MBP: variants seen among roughly 807,000 people sequenced by gnomAD.
MBP encodes myelin basic protein.
Under a neutral mutation model 35.8 loss-of-function variants are expected in MBP, and 16 were observed. The ratio of observed to expected loss-of-function variants is 0.45; its 90% CI spans 0.30 to 0.68. The LOEUF is 0.68. Among genes scored for constraint, MBP ranks in the 30% least tolerant of loss-of-function variants. MBP has a pLI of 0.08. For missense variants in MBP, 380 were observed against 404.7 expected (o/e 0.94, Z 0.52); for synonymous variants, 143 against 159.6 (o/e 0.90, Z 0.78).
intron 3 of MBP, among the ~76,000 whole-genome samples, chr18:77,052,067 G>A (rs1568313942): frequency 6.6e-6 from 1 of 152,276 alleles, no homozygotes; most frequent in East Asian, 1.9e-4. Flanking sequence ...TGGAGAAGGC[G>A]TGTGAGTGCA....
chr18:77,080,777 G>C (rs887209428), intron 2 of MBP, among the ~76,000 whole-genome samples: 1 of 152,088 alleles, frequency 6.6e-6, no homozygotes, highest in Non-Finnish European at 1.5e-5. Context: ...TCTGCCTCCT[G>C]GGTTCGAGCA....
chr18:77,060,846 G>A (rs781536874), intron 3 of MBP, among the ~76,000 whole-genome samples: 2 of 152,168 alleles, frequency 1.3e-5, no homozygotes, highest in African/African-American at 2.4e-5. Context: ...AGATGAAGTC[G>A]CACCCCCAGT....
At chr18:77,130,545 CA>C (rs1977207071) in intron 1 of MBP, among the ~76,000 whole-genome samples, 1 of 152,034 alleles carries the variant, frequency 6.6e-6, no homozygotes, top group South Asian at 2.1e-4. Flanking sequence ...ACAGAAAAGG[CA>C]CAGAGGCAGC....
intron 4 of MBP, among the ~76,000 whole-genome samples, chr18:77,011,481 T>G (rs564787574): frequency 1.3e-5 from 2 of 152,272 alleles, no homozygotes; most frequent in Non-Finnish European, 2.9e-5. Flanking sequence ...TGGGCTGGCG[T>G]GAAGCCCCTC....
intron 3 of MBP, among the ~76,000 whole-genome samples, chr18:77,058,433 C>T (rs1973829731): frequency 6.6e-6 from 1 of 152,180 alleles, no homozygotes; most frequent in Admixed American, 6.5e-5. Context: ...AGCTCGCCAG[C>T]CACGGGAGGG....
At chr18:77,115,203 T>C (rs1976618269) in intron 1 of MBP, 1 of 152,228 alleles carries the variant, frequency 6.6e-6, no homozygotes, top group Non-Finnish European at 1.5e-5. Flanking sequence ...GGCCCTGGTC[T>C]TAGTAACTAG....
At chr18:77,111,980 C>T (rs1377174143) in intron 1 of MBP, among the ~76,000 whole-genome samples, 1 of 152,180 alleles carries the variant, frequency 6.6e-6, no homozygotes, top group Admixed American at 6.5e-5. Context: ...TCCTTTCTCT[C>T]TCCCCCGACG....
intron 2 of MBP, among the ~76,000 whole-genome samples, chr18:77,092,400 A>G (rs1327142464): frequency 6.6e-6 from 1 of 152,178 alleles, no homozygotes; most frequent in Non-Finnish European, 1.5e-5. Flanking sequence ...CCACACAGGC[A>G]GGGAATAACT....
chr18:77,045,622 G>C (rs1973220113), intron 3 of MBP, among the ~76,000 whole-genome samples: 1 of 152,238 alleles, frequency 6.6e-6, no homozygotes, highest in Non-Finnish European at 1.5e-5. Context: ...TTGTTAGCCA[G>C]GAGTGCTCAG....
At chr18:77,129,970 A>G (rs1053613184) in intron 1 of MBP, among the ~76,000 whole-genome samples, 1 of 151,528 alleles carries the variant, frequency 6.6e-6, no homozygotes, top group Non-Finnish European at 1.5e-5. Flanking sequence ...ACTGTTTTGG[A>G]TCCAGAAGGT....
At chr18:77,004,676 G>T (rs1241716691) in intron 4 of MBP, 1 of 152,286 alleles carries the variant, frequency 6.6e-6, no homozygotes, top group Non-Finnish European at 1.5e-5. Flanking sequence ...AGAGGATGCA[G>T]CTCCTTGCAG....
chr18:77,105,634 CAG>C (rs1397652103), intron 1 of MBP, among the ~76,000 whole-genome samples: 7 of 152,324 alleles, frequency 4.6e-5, no homozygotes, highest in African/African-American at 1.7e-4. Flanking sequence ...TGTACACACA[CAG>C]AGAATTATAT....
chr18:77,074,429 G>A (rs757598963), intron 2 of MBP, among the ~76,000 whole-genome samples: 6 of 152,172 alleles, frequency 3.9e-5, no homozygotes, highest in Non-Finnish European at 5.9e-5. Context: ...AGACTTCAGG[G>A]TTGAGGTCAT....
chr18:77,014,280 G>A (rs958022011), intron 4 of MBP: 28 of 985,368 alleles, frequency 2.8e-5, no homozygotes, highest in South Asian at 1.9e-4. Flanking sequence ...TGGTACCAGC[G>A]GCCATGTGCC....
intron 4 of MBP, chr18:77,016,268 A>G (rs1971626325): frequency 1.0e-6 from 1 of 985,628 alleles, no homozygotes; most frequent in African/African-American, 1.7e-5. Flanking sequence ...ATTCATAGAC[A>G]CTCATTTATC....
At chr18:77,069,674 T>C (rs150413758) in intron 2 of MBP, among the ~76,000 whole-genome samples, 259 of 152,300 alleles carry the variant, frequency 1.7e-3, no homozygotes, top group African/African-American at 5.3e-3. Context: ...GGGGATAACC[T>C]AGCGGCAGCC....
At position 76,989,393 on chromosome 18, in the gene MBP, C is replaced by T. The variant is rs1183184386; in HGVS notation, c.682-481G>A. On this transcript the variant is annotated intron_variant, in intron 5 of 8. Transcript: ENST00000355994. This position sits in a 1 kb window ranked among gnomAD's most constrained non-coding sequence, Gnocchi z 4.0. ...CTGTGGTTTTGTTCTTGTTTTTAAT[C>T]GTCTTCGTTTTGCATGGCACTTTTC... Among the ~76,000 whole-genome samples, 3 of 152,328 alleles carry T rather than the reference C, an allele frequency of 2.0e-5. No homozygotes were observed. The highest frequency in any genetic ancestry group is 2.1e-4 in the South Asian group (1 of 4,830).
At chr18:77,029,381 G>C (rs1463535876) in intron 3 of MBP, among the ~76,000 whole-genome samples, 4 of 143,882 alleles carry the variant, frequency 2.8e-5, no homozygotes, top group Non-Finnish European at 4.6e-5. Flanking sequence ...GCTTCGGCTC[G>C]GCATCAGAGG....
intron 2 of MBP, among the ~76,000 whole-genome samples, chr18:77,078,307 C>T (rs1184206075): frequency 6.6e-6 from 1 of 152,192 alleles, no homozygotes; most frequent in Admixed American, 6.5e-5. Flanking sequence ...CCTCCACTTT[C>T]AACCGCCACG....
Sources: allele counts gnomAD v4.1 joint callset (sites outside exome capture counted in the v4.1 genomes callset), GRCh38; gene constraint gnomAD v4.1.1; non-coding constraint Gnocchi (gnomAD v3.1); transcripts MANE v1.5; gene names NCBI Gene and HGNC (gene_info 2026-07-23, HGNC 2026-07-21).